The following PDE1A variants were observed in gnomAD, a reference collection of about 807,000 sequenced individuals.
The protein encoded by PDE1A is phosphodiesterase 1A, also known as dual specificity calcium/calmodulin-dependent 3',5'-cyclic nucleotide phosphodiesterase 1A.
In PDE1A, 35 loss-of-function variants were observed where a neutral mutation model predicts 61.7. The observed-to-expected ratio is 0.57, with a 90% confidence interval of 0.43 to 0.75. The LOEUF (loss-of-function observed/expected upper bound fraction) is 0.75. Ranked by LOEUF, PDE1A falls within the 30% of genes least tolerant of loss-of-function variation. The pLI is 0.00. For missense variants in PDE1A, 597 were observed against 630.6 expected (o/e 0.95, Z 0.57); for synonymous variants, 232 against 213.2 (o/e 1.09, Z -0.77).
At chr2:182,305,158 T>C (rs1695496400) in intron 1 of PDE1A, among the ~76,000 whole-genome samples, 1 of 144,274 alleles carries the variant, frequency 6.9e-6, no homozygotes, top group South Asian at 2.4e-4. Flanking sequence ...TCCAATCTTC[T>C]ATTAATGTTT....
At chr2:182,346,454 G>A (rs866466495) in intron 1 of PDE1A, among the ~76,000 whole-genome samples, 1 of 152,038 alleles carries the variant, frequency 6.6e-6, no homozygotes, top group Non-Finnish European at 1.5e-5. Flanking sequence ...AGAAGATGAA[G>A]ACAATATTTA....
At chr2:182,340,319 C>G (rs1383172988) in intron 1 of PDE1A, among the ~76,000 whole-genome samples, 1 of 152,160 alleles carries the variant, frequency 6.6e-6, no homozygotes, top group Non-Finnish European at 1.5e-5. Context: ...AATGCCTGCT[C>G]TCATCACTGA....
At chr2:182,205,545 C>T (rs1013006266) in intron 8 of PDE1A, among the ~76,000 whole-genome samples, 1 of 151,558 alleles carries the variant, frequency 6.6e-6, no homozygotes, top group African/African-American at 2.4e-5. Context: ...TTTAAAAAAA[C>T]CTTAACTCCA....
At chr2:182,666,561 T>G in the PDE1A span, among the ~76,000 whole-genome samples, 1 of 150,544 alleles carries the variant, frequency 6.6e-6, no homozygotes, top group Non-Finnish European at 1.5e-5. Flanking sequence ...TGAGCTGAGA[T>G]CATGCCATTG....
At chr2:182,527,353 T>A (rs868505177), upstream of PDE1A, among the ~76,000 whole-genome samples, 27 of 73,662 alleles carry the variant, frequency 3.7e-4, 2 homozygotes, top group African/African-American at 1.8e-3. Context: ...TATATATATA[T>A]ATATATATAT....
At chr2:182,316,150 A>G (rs833123) in intron 1 of PDE1A, among the ~76,000 whole-genome samples, 146,026 of 152,216 alleles carry the variant, frequency 0.96, 70,333 homozygotes, top group Non-Finnish European at 1. Context: ...GGTTCTAAAT[A>G]AGCAAGATGC....
the PDE1A span, among the ~76,000 whole-genome samples, chr2:182,560,548 G>A: frequency 6.6e-6 from 1 of 151,450 alleles, no homozygotes; most frequent in African/African-American, 2.4e-5. Context: ...CTTTATAGCA[G>A]CATGATTTAT....
the PDE1A span, among the ~76,000 whole-genome samples, chr2:182,566,806 T>C: frequency 1.3e-5 from 2 of 152,136 alleles, no homozygotes; most frequent in African/African-American, 4.8e-5. Context: ...TCATCTTCTG[T>C]AAATAGCAAC....
At chr2:182,272,872 T>C (rs540271627) in intron 1 of PDE1A, among the ~76,000 whole-genome samples, 1 of 152,278 alleles carries the variant, frequency 6.6e-6, no homozygotes, top group South Asian at 2.1e-4. Flanking sequence ...AGTCATAGTT[T>C]ACTATCTGAT....
chr2:182,613,307 A>G, the PDE1A span, among the ~76,000 whole-genome samples: 1 of 152,190 alleles, frequency 6.6e-6, no homozygotes, highest in Non-Finnish European at 1.5e-5. Context: ...CACGCCTGTA[A>G]TCCCCAGAAC....
intron 2 of PDE1A, among the ~76,000 whole-genome samples, chr2:182,263,521 C>G (rs1055349401): frequency 1.3e-5 from 2 of 152,140 alleles, no homozygotes; most frequent in African/African-American, 4.8e-5. Flanking sequence ...AAAATTAGCA[C>G]CTTTTCCATG....
At chr2:182,302,301 T>G (rs896462970) in intron 1 of PDE1A, among the ~76,000 whole-genome samples, 1 of 152,158 alleles carries the variant, frequency 6.6e-6, no homozygotes, top group Non-Finnish European at 1.5e-5. Flanking sequence ...CGAGAAACCC[T>G]CAATTATCGG....
the PDE1A span, among the ~76,000 whole-genome samples, chr2:182,593,519 T>A: frequency 6.6e-6 from 1 of 152,184 alleles, no homozygotes. Context: ...TGGTTCCACT[T>A]AACATAAGGA....
At chr2:182,321,752 C>T (rs1419759043) in intron 1 of PDE1A, among the ~76,000 whole-genome samples, 1 of 152,088 alleles carries the variant, frequency 6.6e-6, no homozygotes, top group Admixed American at 6.5e-5. Context: ...TAGAAAGCAC[C>T]TCAAGCTGAA....
At chr2:182,401,325 G>A (rs1203213468) in intron 1 of PDE1A, among the ~76,000 whole-genome samples, 3 of 152,140 alleles carry the variant, frequency 2.0e-5, no homozygotes, top group Non-Finnish European at 2.9e-5. Context: ...TATCCAACAC[G>A]ATCAAGTTGG....
chr2:182,325,500 AAGGAG>A (rs1428462605), intron 1 of PDE1A, among the ~76,000 whole-genome samples: 1 of 152,194 alleles, frequency 6.6e-6, no homozygotes, highest in East Asian at 1.9e-4. Context: ...TTGTACATCA[AAGGAG>A]ACTATCAACA....
At chr2:182,428,471 T>A (rs913994732), upstream of PDE1A, among the ~76,000 whole-genome samples, 5 of 152,142 alleles carry the variant, frequency 3.3e-5, no homozygotes, top group Non-Finnish European at 5.9e-5. Flanking sequence ...CATATTTATA[T>A]AGATATTACA....
intron 4 of PDE1A, among the ~76,000 whole-genome samples, chr2:182,233,662 A>G (rs1689761746): frequency 6.6e-6 from 1 of 152,190 alleles, no homozygotes; most frequent in Non-Finnish European, 1.5e-5. Context: ...ACCAATATGC[A>G]GATGTTTTAG....
intron 2 of PDE1A, among the ~76,000 whole-genome samples, chr2:182,254,259 T>C (rs1691613021): frequency 6.6e-6 from 1 of 152,140 alleles, no homozygotes; most frequent in Non-Finnish European, 1.5e-5. Flanking sequence ...TGCAACTTTT[T>C]CTAAGTGATT....
Sources: allele counts gnomAD v4.1 joint callset (sites outside exome capture counted in the v4.1 genomes callset), GRCh38; gene constraint gnomAD v4.1.1; transcripts MANE v1.5; gene names NCBI Gene and HGNC (gene_info 2026-07-23, HGNC 2026-07-21).